Variants in TSHR observed in about 807,000 individuals in gnomAD.
TSHR encodes the protein thyroid stimulating hormone receptor.
TSHR carries 51 observed loss-of-function variants against 64.1 expected under a neutral mutation model. That is an observed-to-expected ratio of 0.80 (90% CI 0.64 to 1.01). The LOEUF (loss-of-function observed/expected upper bound fraction) is 1.01, where lower values mean the gene tolerates loss of function less well. TSHR is among the 50% of genes least tolerant of loss of function. The pLI is 0.00. For missense variants in TSHR, 877 were observed against 942.8 expected (o/e 0.93, Z 0.91); for synonymous variants, 361 against 361.9 (o/e 1.00, Z 0.03).
chr14:81,005,175 C>T lies in TSHR; in HGVS notation c.170+49325C>T, dbSNP rs1047954947. On this transcript the variant is annotated intron_variant, in intron 1 of 9. Coordinates refer to ENST00000298171, the MANE Select transcript of TSHR (RefSeq NM_000369.5). Reference sequence around the variant, plus strand: ...GCACTGGTCCTGTTTCTCCTGCCTTCTCATGAAGGGGACTCAAGCCTTTGT... The same window carrying T: ...GCACTGGTCCTGTTTCTCCTGCCTTTTCATGAAGGGGACTCAAGCCTTTGT... Among the ~76,000 whole-genome samples the T allele has an allele frequency of 4.6e-5, 7 of 151,894 alleles. No individual in the cohort carries two copies. In the South Asian group the frequency reaches 6.2e-4, roughly 14 times the overall value.
chr14:80,991,038 C>G (rs2139740531), intron 1 of TSHR, among the ~76,000 whole-genome samples: 1 of 152,320 alleles, frequency 6.6e-6, no homozygotes, highest in Admixed American at 6.5e-5. Flanking sequence ...TGAATAAGTT[C>G]TGATTTTTCT....
At chr14:80,977,263 C>T (rs1257591887) in intron 1 of TSHR, among the ~76,000 whole-genome samples, 2 of 152,210 alleles carry the variant, frequency 1.3e-5, no homozygotes, top group Non-Finnish European at 2.9e-5. Context: ...ATGTTTACTA[C>T]CATGACAATA....
intron 3 of TSHR, among the ~76,000 whole-genome samples, chr14:81,085,385 C>T (rs1888217395): frequency 1.3e-5 from 2 of 152,184 alleles, no homozygotes; most frequent in Non-Finnish European, 2.9e-5. Context: ...TAAGCTGTTG[C>T]CTTACCTCAG....
intron 1 of TSHR, chr14:80,983,339 G>C: frequency 9.1e-7 from 1 of 1,100,806 alleles, no homozygotes; most frequent in Non-Finnish European, 1.3e-6. Context: ...ACTTTTCAGA[G>C]CTTTTTCATT....
At position 81,130,927 on chromosome 14, in the gene TSHR, C is replaced by T. The variant is rs1449334031; in HGVS notation, c.693-8752C>T. Among the ~76,000 whole-genome samples, 4 of 87,662 alleles carry T rather than the reference C, an allele frequency of 4.6e-5. 1 individual carries two copies. The highest frequency in any genetic ancestry group is 1.9e-4 in the African/African-American group (2 of 10,438). 57.5% of individuals were successfully genotyped at this position (87,662 alleles called of 152,430 possible). A position where few individuals can be genotyped will look rare whatever the true frequency, so the allele number is the denominator to read the frequency against. On this transcript the variant is annotated intron_variant, in intron 8 of 9. Coordinates refer to ENST00000298171, the MANE Select transcript of TSHR (RefSeq NM_000369.5). Reference sequence around the variant, plus strand: ...AATGGCGTGAACCCGGGAAGCGGAGCTTGCAGTGAGCCGAGATTGCGCCAC... The same window carrying T: ...AATGGCGTGAACCCGGGAAGCGGAGTTTGCAGTGAGCCGAGATTGCGCCAC...
intron 8 of TSHR, among the ~76,000 whole-genome samples, chr14:81,112,047 G>C (rs955077239): frequency 2.6e-5 from 4 of 152,006 alleles, no homozygotes; most frequent in African/African-American, 9.7e-5. Flanking sequence ...AAGTTAAGAG[G>C]ATTTGTGAAA....
In TSHR at chr14:81,146,247, T is replaced by C; in HGVS notation, c.*1894T>C. On this transcript the variant is annotated 3_prime_UTR_variant, in exon 10 of 10. Coordinates refer to ENST00000298171, the MANE Select transcript of TSHR (RefSeq NM_000369.5). ...AGAAAAGTGACTTCAACAGAATTGT[T>C]ACTAAAATTTGCACTCACAACATGA... The C allele has an allele frequency of 4.8e-6, 1 of 207,630 alleles. No homozygotes were observed. 12.9% of individuals were successfully genotyped at this position (207,630 alleles called of 1,614,324 possible). A position where few individuals can be genotyped will look rare whatever the true frequency, so the allele number is the denominator to read the frequency against.
At chr14:81,066,822 C>CT (rs1886649074) in intron 2 of TSHR, among the ~76,000 whole-genome samples, 1 of 152,146 alleles carries the variant, frequency 6.6e-6, no homozygotes, top group Admixed American at 6.6e-5. Context: ...TTGAGAATCT[C>CT]TGCTATGGCT....
At chr14:81,047,284 T>C (rs1363991854) in intron 1 of TSHR, among the ~76,000 whole-genome samples, 3 of 152,104 alleles carry the variant, frequency 2.0e-5, no homozygotes, top group African/African-American at 7.2e-5. Context: ...TAAAATTATT[T>C]TTTTCCTCAT....
chr14:81,066,185 T>A (rs1469806998), intron 2 of TSHR, among the ~76,000 whole-genome samples: 1 of 152,170 alleles, frequency 6.6e-6, no homozygotes, highest in Non-Finnish European at 1.5e-5. Context: ...GCCGAGTGAC[T>A]ATCCTTCTGG....
At chr14:81,034,661 G>A (rs1283160342) in intron 1 of TSHR, among the ~76,000 whole-genome samples, 2 of 152,140 alleles carry the variant, frequency 1.3e-5, no homozygotes, top group African/African-American at 2.4e-5. Flanking sequence ...TTGTTACATG[G>A]TTTTCCACTG....
At chr14:81,014,284 A>G (rs1314159006) in intron 1 of TSHR, 1 of 152,126 alleles carries the variant, frequency 6.6e-6, no homozygotes, top group Non-Finnish European at 1.5e-5. Flanking sequence ...AGATGAGCTG[A>G]GTTTAGGGGT....
At chr14:81,115,218 G>T (rs908285770) in intron 8 of TSHR, among the ~76,000 whole-genome samples, 3 of 151,906 alleles carry the variant, frequency 2.0e-5, no homozygotes, top group Non-Finnish European at 4.4e-5. Flanking sequence ...GGCTTCAGAC[G>T]ATCAAATTAC....
intron 1 of TSHR, among the ~76,000 whole-genome samples, chr14:80,968,047 G>A (rs1026723515): frequency 6.6e-6 from 1 of 152,148 alleles, no homozygotes; most frequent in Non-Finnish European, 1.5e-5. Flanking sequence ...TAATTCTACT[G>A]ACCTTCCAGG....
At chr14:81,093,859 TCCATTGCG>T in intron 6 of TSHR, 1 of 152,320 alleles carries the variant, frequency 6.6e-6, no homozygotes, top group East Asian at 1.9e-4. Flanking sequence ...AGTAAAGCTT[TCCATTGCG>T]CCATATAGTG....
At chr14:81,000,444 C>A (rs1889253193) in intron 1 of TSHR, among the ~76,000 whole-genome samples, 1 of 152,110 alleles carries the variant, frequency 6.6e-6, no homozygotes, top group Non-Finnish European at 1.5e-5. Flanking sequence ...AGTTAAGGAT[C>A]CCCGGCCCCA....
intron 8 of TSHR, among the ~76,000 whole-genome samples, chr14:81,123,220 AG>A (rs1222618919): frequency 2.0e-5 from 3 of 152,242 alleles, no homozygotes; most frequent in African/African-American, 7.2e-5. Context: ...AGAGGTCAAT[AG>A]GAGAAAAGTA....
At position 81,018,435 on chromosome 14, in the gene TSHR, C is replaced by T. The variant is rs552982156; in HGVS notation, c.171-43713C>T. Among the ~76,000 whole-genome samples, 17 of 152,214 alleles carry T rather than the reference C, an allele frequency of 1.1e-4. No homozygotes were observed. In the South Asian group the frequency reaches 2.9e-3, roughly 26 times the overall value. Reference sequence around the variant, plus strand: ...AAGATTGTAGAGCAACCACACACAGCGAATGAGGAAGCAGTGATGCAAGTA... The same window carrying T: ...AAGATTGTAGAGCAACCACACACAGTGAATGAGGAAGCAGTGATGCAAGTA... On this transcript the variant is annotated intron_variant, in intron 1 of 9. Transcript: ENST00000298171.
chr14:80,986,740 G>T (rs1026225514), intron 1 of TSHR, among the ~76,000 whole-genome samples: 2 of 152,214 alleles, frequency 1.3e-5, no homozygotes, highest in Non-Finnish European at 2.9e-5. Flanking sequence ...GCCCGCCTTG[G>T]CGTCCCAAAG....
Sources: allele counts gnomAD v4.1 joint callset (sites outside exome capture counted in the v4.1 genomes callset), GRCh38; gene constraint gnomAD v4.1.1; transcripts MANE v1.5; gene names NCBI Gene and HGNC (gene_info 2026-07-23, HGNC 2026-07-21).